The following EFNA5 variants were observed in gnomAD, a reference collection of about 807,000 sequenced individuals.
EFNA5 encodes the protein ephrin-A5.
A neutral mutation model predicts 22.9 loss-of-function variants in EFNA5; 5 were observed. The ratio of observed to expected loss-of-function variants is 0.22; its 90% confidence interval spans 0.11 to 0.46. EFNA5 has a LOEUF of 0.46. Among genes scored for constraint, EFNA5 ranks in the 20% least tolerant of loss-of-function variants. The pLI, the probability that EFNA5 is intolerant of heterozygous loss-of-function variation, is 0.99. For missense variants in EFNA5, 237 were observed against 293.3 expected (o/e 0.81, Z 1.40); for synonymous variants, 113 against 112.2 (o/e 1.01, Z -0.04).
chr5:107,495,145 C>T (rs1395860529), intron 1 of EFNA5, among the ~76,000 whole-genome samples: 2 of 152,166 alleles, frequency 1.3e-5, no homozygotes, highest in African/African-American at 4.8e-5. Context: ...AAGCTTTGTT[C>T]TTTCGCTCTT....
intron 1 of EFNA5, among the ~76,000 whole-genome samples, chr5:107,526,378 T>G (rs114387414): frequency 0.014 from 2,183 of 152,256 alleles, 53 homozygotes; most frequent in African/African-American, 0.049. Context: ...TTCATTCCAG[T>G]GTAAGGTTTG....
At chr5:107,555,156 T>C (rs1023145552) in intron 1 of EFNA5, among the ~76,000 whole-genome samples, 1 of 152,242 alleles carries the variant, frequency 6.6e-6, no homozygotes, top group Non-Finnish European at 1.5e-5. Flanking sequence ...TAATGAGTCT[T>C]GGCAAACTCT....
intron 1 of EFNA5, among the ~76,000 whole-genome samples, chr5:107,512,449 C>A (rs1207688139): frequency 6.6e-6 from 1 of 151,634 alleles, no homozygotes; most frequent in Non-Finnish European, 1.5e-5. Flanking sequence ...AATACTCTAG[C>A]CTGTTTTTTT....
At chr5:107,632,157 T>C (rs1378880145) in intron 1 of EFNA5, among the ~76,000 whole-genome samples, 10 of 152,200 alleles carry the variant, frequency 6.6e-5, no homozygotes, top group African/African-American at 2.4e-4. Context: ...TCCCGTCTCC[T>C]TTCCTTTCTC....
chr5:107,517,529 TA>T (rs1747506546), intron 1 of EFNA5, among the ~76,000 whole-genome samples: 1 of 152,216 alleles, frequency 6.6e-6, no homozygotes, highest in Admixed American at 6.5e-5. Context: ...GAGAAAAGTT[TA>T]AAAGTGCTCA....
At chr5:107,652,236 C>T (rs1204996438) in intron 1 of EFNA5, among the ~76,000 whole-genome samples, 2 of 152,174 alleles carry the variant, frequency 1.3e-5, no homozygotes, top group South Asian at 2.1e-4. Context: ...TCCCCAAATC[C>T]ATATACAAGG....
intron 4 of EFNA5, among the ~76,000 whole-genome samples, chr5:107,382,163 A>T (rs937996780): frequency 6.6e-6 from 1 of 152,148 alleles, no homozygotes; most frequent in Non-Finnish European, 1.5e-5. Flanking sequence ...ATTTAGCTAT[A>T]AAGTGTTCTA....
At chr5:107,612,675 C>T (rs1344749560) in intron 1 of EFNA5, among the ~76,000 whole-genome samples, 3 of 152,094 alleles carry the variant, frequency 2.0e-5, no homozygotes, top group African/African-American at 7.2e-5. Context: ...CTGCAATGCA[C>T]AGTGAAGAAC....
chr5:107,417,555 A>G (rs1243278589), intron 2 of EFNA5, among the ~76,000 whole-genome samples: 2 of 152,184 alleles, frequency 1.3e-5, no homozygotes, highest in East Asian at 3.8e-4. Flanking sequence ...AAAATAATGA[A>G]TGATAATGCC....
intron 2 of EFNA5, among the ~76,000 whole-genome samples, chr5:107,389,001 C>T (rs1747715018): frequency 1.3e-5 from 2 of 152,132 alleles, no homozygotes; most frequent in Admixed American, 1.3e-4. Context: ...TCCAAGTAAC[C>T]CTCCTGGAGG....
At position 107,380,495 on chromosome 5, in the gene EFNA5, C is replaced by T. The variant is rs113856881; in HGVS notation, c.*760G>A. On this transcript the variant is annotated 3_prime_UTR_variant, in exon 5 of 5. Transcript: ENST00000333274. ...TCACCAAAAAAATTAGAGGCACTCACACATACACACCCCCAGCAAACCTGT... is the reference window on the plus strand; with the variant it reads ...TCACCAAAAAAATTAGAGGCACTCATACATACACACCCCCAGCAAACCTGT... The T allele has an allele frequency of 4.5e-4, 87 of 194,452 alleles. No individual in the cohort carries two copies. The highest frequency in any genetic ancestry group is 1.7e-3 in the African/African-American group (71 of 40,820). 12.0% of individuals were successfully genotyped at this position (194,452 alleles called of 1,614,324 possible). A position where few individuals can be genotyped will look rare whatever the true frequency, so the allele number is the denominator to read the frequency against.
chr5:107,487,418 T>C (rs1746662265), intron 1 of EFNA5, among the ~76,000 whole-genome samples: 2 of 152,230 alleles, frequency 1.3e-5, no homozygotes, highest in Admixed American at 6.5e-5. Context: ...TCACTTTTGT[T>C]TCCCCCAGAG....
intron 1 of EFNA5, among the ~76,000 whole-genome samples, chr5:107,588,059 G>T (rs1749229975): frequency 6.6e-6 from 1 of 152,126 alleles, no homozygotes; most frequent in Non-Finnish European, 1.5e-5. Context: ...GTGCAGAGAT[G>T]AAGCTAAAAA....
At chr5:107,668,784 CCA>C (rs1751123155) in intron 1 of EFNA5, among the ~76,000 whole-genome samples, 1 of 152,156 alleles carries the variant, frequency 6.6e-6, no homozygotes, top group South Asian at 2.1e-4. Context: ...GCTTTTAACA[CCA>C]TCACAACTGG....
intron 1 of EFNA5, among the ~76,000 whole-genome samples, chr5:107,605,541 G>C (rs1023549967): frequency 3.9e-5 from 6 of 152,086 alleles, no homozygotes; most frequent in Admixed American, 3.9e-4. Flanking sequence ...GGTACATCCT[G>C]TTGCTATTAC....
At chr5:107,643,953 C>T (rs1225017878) in intron 1 of EFNA5, among the ~76,000 whole-genome samples, 26 of 151,884 alleles carry the variant, frequency 1.7e-4, no homozygotes, top group Admixed American at 6.6e-5. Context: ...AAAGACTTTT[C>T]GGATGAATTA....
At chr5:107,526,955 T>C (rs917125435) in intron 1 of EFNA5, among the ~76,000 whole-genome samples, 2 of 152,210 alleles carry the variant, frequency 1.3e-5, no homozygotes, top group Non-Finnish European at 2.9e-5. Flanking sequence ...TTTAATATAT[T>C]GACTATAGGT....
At chr5:107,615,556 T>G (rs181003057) in intron 1 of EFNA5, among the ~76,000 whole-genome samples, 7 of 152,280 alleles carry the variant, frequency 4.6e-5, no homozygotes, top group Admixed American at 3.9e-4. Context: ...TTAGAAATAA[T>G]AACTCACAAG....
At chr5:107,432,863 G>C (rs1205079264) in intron 1 of EFNA5, among the ~76,000 whole-genome samples, 1 of 152,140 alleles carries the variant, frequency 6.6e-6, no homozygotes, top group Non-Finnish European at 1.5e-5. Flanking sequence ...CCCTGAGACA[G>C]CAAGACCAAT....
Sources: gnomAD v4.1 joint callset for allele counts (sites outside exome capture counted in the v4.1 genomes callset) on GRCh38, gnomAD v4.1.1 for gene constraint, MANE v1.5 for transcripts, NCBI Gene and HGNC (gene_info 2026-07-23, HGNC 2026-07-21) for gene names.